ACTR3C: variants seen among roughly 807,000 people sequenced by gnomAD.
ACTR3C encodes actin-related protein 3C.
ACTR3C carries 18 observed loss-of-function variants against 26.3 expected under a neutral mutation model. That is an observed-to-expected ratio of 0.68 (90% CI 0.47 to 1.01). ACTR3C has a LOEUF of 1.01. ACTR3C is among the 50% of genes least tolerant of loss of function. The pLI is 0.00. For missense variants in ACTR3C, 184 were observed against 250.7 expected (o/e 0.73, Z 1.80); for synonymous variants, 55 against 94.5 (o/e 0.58, Z 2.42).
chr7:150,032,337 G>A, the ACTR3C span, among the ~76,000 whole-genome samples: 1 of 152,318 alleles, frequency 6.6e-6, no homozygotes, highest in East Asian at 1.9e-4. Flanking sequence ...ATTTGAGGAT[G>A]AGACGCTGCA....
At chr7:150,235,103 T>G in the ACTR3C span, among the ~76,000 whole-genome samples, 1 of 152,224 alleles carries the variant, frequency 6.6e-6, no homozygotes, top group Non-Finnish European at 1.5e-5. Context: ...AGAATCAGCC[T>G]ACTATAACTC....
chr7:150,290,380 C>A (rs985463972), intron 3 of ACTR3C, among the ~76,000 whole-genome samples: 2 of 152,230 alleles, frequency 1.3e-5, no homozygotes, highest in Non-Finnish European at 2.9e-5. Flanking sequence ...TGGGCACAGA[C>A]CTGCCACAGG....
the ACTR3C span, among the ~76,000 whole-genome samples, chr7:150,152,656 G>A: frequency 6.6e-6 from 1 of 152,160 alleles, no homozygotes; most frequent in Non-Finnish European, 1.5e-5. Context: ...GGCCTCATAA[G>A]ACGAGTTAGG....
intron 6 of ACTR3C, among the ~76,000 whole-genome samples, chr7:150,278,437 AC>A (rs1213885158): frequency 1.3e-5 from 2 of 152,228 alleles, no homozygotes; most frequent in African/African-American, 2.4e-5. Flanking sequence ...ATTGGAGAGC[AC>A]GGACTCGGAT....
chr7:150,280,829 TACAC>T (rs1554460132), intron 6 of ACTR3C, among the ~76,000 whole-genome samples: 2 of 150,362 alleles, frequency 1.3e-5, no homozygotes, highest in Admixed American at 1.3e-4. Flanking sequence ...TATATATATA[TACAC>T]ACACACACAA....
the ACTR3C span, among the ~76,000 whole-genome samples, chr7:149,979,270 A>G: frequency 6.6e-6 from 1 of 152,240 alleles, no homozygotes; most frequent in African/African-American, 2.4e-5. Context: ...TGAACAATGA[A>G]AAAGGGATAA....
chr7:150,295,572 C>T (rs577882589), intron 1 of ACTR3C, among the ~76,000 whole-genome samples: 29 of 152,328 alleles, frequency 1.9e-4, no homozygotes, highest in Non-Finnish European at 3.5e-4. Flanking sequence ...TTCTTATTAC[C>T]CACCCAAATT....
At chr7:150,260,834 GA>G (rs1833584730) in intron 6 of ACTR3C, among the ~76,000 whole-genome samples, 1 of 152,126 alleles carries the variant, frequency 6.6e-6, no homozygotes, top group Admixed American at 6.5e-5. Flanking sequence ...ACAGAACCCT[GA>G]CTTTTCCTTT....
chr7:150,071,792 G>A, the ACTR3C span, among the ~76,000 whole-genome samples: 2 of 151,882 alleles, frequency 1.3e-5, no homozygotes, highest in African/African-American at 2.4e-5. Flanking sequence ...CCAGAACGTG[G>A]TTTCCTCTGG....
At chr7:150,271,071 G>C (rs1834413194) in intron 6 of ACTR3C, among the ~76,000 whole-genome samples, 1 of 146,558 alleles carries the variant, frequency 6.8e-6, no homozygotes, top group African/African-American at 2.7e-5. Flanking sequence ...GTGGAACCCT[G>C]CCCTTGAGGG....
chr7:150,241,876 A>T (rs1832196460), downstream of ACTR3C, among the ~76,000 whole-genome samples: 1 of 152,204 alleles, frequency 6.6e-6, no homozygotes, highest in South Asian at 2.1e-4. Flanking sequence ...TAAGACAATG[A>T]TCAACATTAT....
chr7:150,006,387 C>T, the ACTR3C span, among the ~76,000 whole-genome samples: 47 of 147,532 alleles, frequency 3.2e-4, no homozygotes, highest in East Asian at 7.9e-4. Context: ...TTAGTAGAGA[C>T]GGGGTTTCAC....
chr7:150,019,599 A>AAAT, the ACTR3C span, among the ~76,000 whole-genome samples: 13,301 of 109,640 alleles, frequency 0.12, 733 homozygotes, highest in Non-Finnish European at 0.16. Flanking sequence ...TCAAAAATAA[A>AAAT]AATAATAATA....
the ACTR3C span, among the ~76,000 whole-genome samples, chr7:149,967,944 A>G: frequency 6.6e-6 from 1 of 152,186 alleles, no homozygotes; most frequent in Non-Finnish European, 1.5e-5. Flanking sequence ...GTCCTCAACA[A>G]GGTAGAGAAG....
chr7:150,131,877 A>G, the ACTR3C span, among the ~76,000 whole-genome samples: 1 of 152,260 alleles, frequency 6.6e-6, no homozygotes, highest in South Asian at 2.1e-4. Flanking sequence ...CTCAGTCATA[A>G]AACGCAATGA....
the ACTR3C span, among the ~76,000 whole-genome samples, chr7:150,110,171 T>C: frequency 1.4e-5 from 2 of 143,934 alleles, no homozygotes; most frequent in Non-Finnish European, 3.0e-5. Flanking sequence ...GCCTGAGCCC[T>C]CTCCCTTGAC....
chr7:150,238,630 C>T, the ACTR3C span, among the ~76,000 whole-genome samples: 1 of 144,994 alleles, frequency 6.9e-6, no homozygotes, highest in Admixed American at 6.7e-5. Flanking sequence ...CAGTATGTAC[C>T]ACTATTTCAG....
At chr7:150,121,933 C>T in the ACTR3C span, among the ~76,000 whole-genome samples, 2 of 152,194 alleles carry the variant, frequency 1.3e-5, no homozygotes, top group South Asian at 4.2e-4. Context: ...TGCACAACTA[C>T]AACCATCTGA....
the ACTR3C span, among the ~76,000 whole-genome samples, chr7:150,042,124 G>C: frequency 1.3e-5 from 1 of 76,592 alleles, no homozygotes; most frequent in Non-Finnish European, 2.6e-5. Flanking sequence ...TCTGCGATGG[G>C]GGTCCTAAGA....
Sources: gnomAD v4.1 joint callset for allele counts (sites outside exome capture counted in the v4.1 genomes callset) on GRCh38, gnomAD v4.1.1 for gene constraint, MANE v1.5 for transcripts, NCBI Gene and HGNC (gene_info 2026-07-23, HGNC 2026-07-21) for gene names.